Variants in DRC8 observed in about 807,000 individuals in gnomAD.
The protein encoded by DRC8 is dynein regulatory complex protein 8.
chr1:244,999,058 C>CAAAA, the DRC8 span, among the ~76,000 whole-genome samples: 84 of 83,552 alleles, frequency 1.0e-3, 1 homozygote, highest in East Asian at 6.1e-3. Flanking sequence ...GATCCTGGGT[C>CAAAA]AAAAAAAAAA....
the DRC8 span, among the ~76,000 whole-genome samples, chr1:245,113,614 A>G: frequency 6.6e-6 from 1 of 152,216 alleles, no homozygotes; most frequent in Non-Finnish European, 1.5e-5. Flanking sequence ...GCCACTTATG[A>G]TCATACAATA....
chr1:245,080,051 C>A, the DRC8 span, among the ~76,000 whole-genome samples: 1 of 152,020 alleles, frequency 6.6e-6, no homozygotes, highest in Non-Finnish European at 1.5e-5. Flanking sequence ...GAGGGTTCTA[C>A]CTTGCTAGGT....
the DRC8 span, among the ~76,000 whole-genome samples, chr1:245,112,257 A>G: frequency 6.6e-3 from 1,012 of 152,268 alleles, 11 homozygotes; most frequent in African/African-American, 0.022. Flanking sequence ...TATTTTTACT[A>G]GAGATGGGGT....
At chr1:245,059,912 G>A in the DRC8 span, among the ~76,000 whole-genome samples, 1 of 152,198 alleles carries the variant, frequency 6.6e-6, no homozygotes, top group Admixed American at 6.5e-5. Context: ...CGAGTCATGT[G>A]TAATAGTGGA....
chr1:245,008,609 T>C, the DRC8 span, among the ~76,000 whole-genome samples: 3 of 151,348 alleles, frequency 2.0e-5, no homozygotes, highest in Non-Finnish European at 2.9e-5. Context: ...CATTAAAAAA[T>C]CAAAATATGA....
At chr1:245,078,452 A>AAACAAAACGTGTGT in the DRC8 span, among the ~76,000 whole-genome samples, 1 of 151,898 alleles carries the variant, frequency 6.6e-6, no homozygotes, top group African/African-American at 2.4e-5. Flanking sequence ...ATGAGTGGAT[A>AAACAAAACGTGTGT]GTATATGTAC....
At chr1:244,971,391 T>TA in the DRC8 span, among the ~76,000 whole-genome samples, 1 of 152,208 alleles carries the variant, frequency 6.6e-6, no homozygotes, top group Admixed American at 6.5e-5. Flanking sequence ...TTCGGAGGCA[T>TA]CGATGTGTTG....
the DRC8 span, among the ~76,000 whole-genome samples, chr1:245,009,949 C>T: frequency 6.6e-6 from 1 of 152,138 alleles, no homozygotes; most frequent in Non-Finnish European, 1.5e-5. Context: ...CAACCTCTGC[C>T]TCCCAGGTTC....
the DRC8 span, among the ~76,000 whole-genome samples, chr1:244,991,179 A>G: frequency 1.2e-3 from 188 of 152,308 alleles, 1 homozygote; most frequent in African/African-American, 4.4e-3. Flanking sequence ...ACTCAAGGAA[A>G]CACTTTGTTT....
chr1:245,102,991 G>C, the DRC8 span, among the ~76,000 whole-genome samples: 15 of 132,926 alleles, frequency 1.1e-4, no homozygotes, highest in African/African-American at 2.4e-4. Context: ...TGAGGAGGAT[G>C]AGAGGTGGTC....
the DRC8 span, among the ~76,000 whole-genome samples, chr1:244,976,137 T>C: frequency 6.6e-6 from 1 of 151,756 alleles, no homozygotes; most frequent in Non-Finnish European, 1.5e-5. Flanking sequence ...GGTGTGGTGG[T>C]GGTTGCCTGT....
chr1:245,122,055 C>G, the DRC8 span: 2 of 294,704 alleles, frequency 6.8e-6, no homozygotes, highest in Non-Finnish European at 1.3e-5. Context: ...CACACCACCA[C>G]GCCTGGCTAA....
At chr1:245,114,499 C>T in the DRC8 span, among the ~76,000 whole-genome samples, 1 of 151,902 alleles carries the variant, frequency 6.6e-6, no homozygotes, top group South Asian at 2.1e-4. Flanking sequence ...TAAGATGTCC[C>T]TAGATTCCTT....
chr1:245,113,312 A>C, the DRC8 span, among the ~76,000 whole-genome samples: 10 of 152,186 alleles, frequency 6.6e-5, no homozygotes, highest in African/African-American at 2.4e-4. Flanking sequence ...GCTTTTAAGA[A>C]TGTATCTAAG....
the DRC8 span, among the ~76,000 whole-genome samples, chr1:245,114,192 T>C: frequency 3.3e-5 from 5 of 151,950 alleles, no homozygotes; most frequent in African/African-American, 9.7e-5. Context: ...GGGCCGGGTG[T>C]GGTGGCTCAC....
chr1:245,002,753 AT>A, the DRC8 span, among the ~76,000 whole-genome samples: 87,686 of 144,628 alleles, frequency 0.61, 26,315 homozygotes, highest in East Asian at 0.75. Context: ...TTTCTGGAAG[AT>A]TTTTTTTTTT....
the DRC8 span, among the ~76,000 whole-genome samples, chr1:245,035,933 C>T: frequency 2.0e-5 from 3 of 151,290 alleles, no homozygotes; most frequent in African/African-American, 4.9e-5. Flanking sequence ...AATCGTAAGA[C>T]CCTTAGAAGA....
the DRC8 span, among the ~76,000 whole-genome samples, chr1:244,987,892 A>G: frequency 6.6e-6 from 1 of 152,216 alleles, no homozygotes; most frequent in African/African-American, 2.4e-5. Context: ...TCTCCATGTT[A>G]GAAAAAACTC....
chr1:245,045,767 G>A, the DRC8 span, among the ~76,000 whole-genome samples: 1 of 75,772 alleles, frequency 1.3e-5, no homozygotes, highest in Non-Finnish European at 3.2e-5. Context: ...GTGGACAGCA[G>A]CCATCGGTCT....
Sources: allele counts gnomAD v4.1 joint callset (sites outside exome capture counted in the v4.1 genomes callset), GRCh38; gene constraint gnomAD v4.1.1; transcripts MANE v1.5; gene names NCBI Gene and HGNC (gene_info 2026-07-23, HGNC 2026-07-21).